Variants in EXOC6B observed in about 807,000 individuals in gnomAD.
EXOC6B encodes SEC15 homolog B.
Under a neutral mutation model 113.5 loss-of-function variants are expected in EXOC6B, and 54 were observed. The observed-to-expected ratio is 0.48, with a 90% CI of 0.38 to 0.60. EXOC6B has a LOEUF of 0.60. Among genes scored for constraint, EXOC6B ranks in the 20% least tolerant of loss-of-function variants. EXOC6B has a pLI of 0.00. For missense variants in EXOC6B, 797 were observed against 977.5 expected, an observed-to-expected ratio of 0.82 and a Z score of 2.46; for synonymous variants, 357 against 339.0, an observed-to-expected ratio of 1.05 and a Z score of -0.58.
intron 6 of EXOC6B, among the ~76,000 whole-genome samples, chr2:72,623,080 T>A (rs188040057): frequency 4.7e-4 from 72 of 152,290 alleles, no homozygotes; most frequent in Admixed American, 4.1e-3. Context: ...ATGGGTATGT[T>A]CACTTTGTGA....
Position 72,454,712 on chromosome 2 carries a change from CAA to C in EXOC6B, c.1980+10446_1980+10447del, listed in dbSNP as rs1697113587. ...ATAATTACAAGAGCAGAAGAAGACT[CAA>C]AGGTCATTATCATTAAAGAGGCAAA... On this transcript the variant is annotated intron_variant, in intron 18 of 21. Transcript: ENST00000272427. Among the ~76,000 whole-genome samples, 5 of 152,122 alleles carry C rather than the reference CAA, an allele frequency of 3.3e-5. No homozygotes were observed. In the South Asian group the frequency reaches 8.3e-4, roughly 25 times the overall value.
chr2:72,622,942 C>T (rs1168891561), intron 6 of EXOC6B, among the ~76,000 whole-genome samples: 3 of 152,094 alleles, frequency 2.0e-5, no homozygotes, highest in East Asian at 3.9e-4. Context: ...GTATCTACTA[C>T]AGCCGAACAT....
intron 8 of EXOC6B, among the ~76,000 whole-genome samples, chr2:72,558,536 C>G (rs1436756897): frequency 6.6e-6 from 1 of 152,008 alleles, no homozygotes; most frequent in Non-Finnish European, 1.5e-5. Flanking sequence ...TTTAGGAGAC[C>G]CAGACGGTGG....
At chr2:72,695,131 G>A (rs1558925344) in intron 6 of EXOC6B, among the ~76,000 whole-genome samples, 1 of 152,158 alleles carries the variant, frequency 6.6e-6, no homozygotes, top group Admixed American at 6.5e-5. Flanking sequence ...GGATGCTTTG[G>A]GGTTCAGCTC....
chr2:72,279,368 A>G (rs1012199789), intron 20 of EXOC6B, among the ~76,000 whole-genome samples: 5 of 152,164 alleles, frequency 3.3e-5, no homozygotes, highest in African/African-American at 7.2e-5. Context: ...CAGTCCTTAA[A>G]TTAGAATTTA....
chr2:72,528,170 T>C (rs1439095269), intron 8 of EXOC6B, among the ~76,000 whole-genome samples: 1 of 151,998 alleles, frequency 6.6e-6, no homozygotes, highest in Non-Finnish European at 1.5e-5. Flanking sequence ...TTCTAAATGG[T>C]TTGAAGTTTG....
intron 19 of EXOC6B, among the ~76,000 whole-genome samples, chr2:72,343,633 T>G (rs949223242): frequency 6.6e-6 from 1 of 152,140 alleles, no homozygotes; most frequent in African/African-American, 2.4e-5. Context: ...TAGCTTCTAT[T>G]TATCTGGTAG....
At chr2:72,632,115 A>AAAGCT (rs1356313578) in intron 6 of EXOC6B, among the ~76,000 whole-genome samples, 1 of 152,194 alleles carries the variant, frequency 6.6e-6, no homozygotes, top group Admixed American at 6.5e-5. Context: ...AAAAGAAAAA[A>AAAGCT]AAGCTAAGCA....
intron 6 of EXOC6B, among the ~76,000 whole-genome samples, chr2:72,637,433 A>G (rs756010083): frequency 6.6e-6 from 1 of 152,168 alleles, no homozygotes; most frequent in Non-Finnish European, 1.5e-5. Flanking sequence ...CAAATTTACA[A>G]GAAAAAAACA....
intron 18 of EXOC6B, among the ~76,000 whole-genome samples, chr2:72,391,743 A>G (rs1232154578): frequency 1.3e-5 from 2 of 152,140 alleles, no homozygotes; most frequent in East Asian, 3.9e-4. Context: ...TCTTAACATC[A>G]AAAATAAAAT....
intron 20 of EXOC6B, among the ~76,000 whole-genome samples, chr2:72,248,425 A>G (rs1682803509): frequency 6.6e-6 from 1 of 152,198 alleles, no homozygotes; most frequent in African/African-American, 2.4e-5. Context: ...GAGACACTTT[A>G]GCTTAAATTT....
intron 20 of EXOC6B, among the ~76,000 whole-genome samples, chr2:72,280,416 A>G (rs1261724355): frequency 6.6e-6 from 1 of 152,312 alleles, no homozygotes; most frequent in East Asian, 1.9e-4. Flanking sequence ...AATGACCTGT[A>G]TACCAATATG....
chr2:72,246,381 G>A (rs1027855412), intron 20 of EXOC6B, among the ~76,000 whole-genome samples: 1 of 152,166 alleles, frequency 6.6e-6, no homozygotes, highest in Admixed American at 6.5e-5. Context: ...TCCATGAGGG[G>A]AGGACCTATA....
intron 1 of EXOC6B, among the ~76,000 whole-genome samples, chr2:72,786,514 G>A (rs914267079): frequency 2.6e-5 from 4 of 152,160 alleles, no homozygotes; most frequent in Admixed American, 1.3e-4. Flanking sequence ...AAAATGCTAT[G>A]AGAACTAGGA....
chr2:72,627,867 A>G (rs1315566070), intron 6 of EXOC6B, among the ~76,000 whole-genome samples: 1 of 152,066 alleles, frequency 6.6e-6, no homozygotes, highest in Non-Finnish European at 1.5e-5. Context: ...AGCTGGAACT[A>G]TAAACATGCA....
chr2:72,213,571 G>C lies in EXOC6B; in HGVS notation c.2197-29384C>G, dbSNP rs542659875. Among the ~76,000 whole-genome samples, 4 of 152,290 alleles carry C rather than the reference G, an allele frequency of 2.6e-5. No individual in the cohort carries two copies. In the East Asian group the frequency reaches 7.7e-4, roughly 29 times the overall value. ...CCTTAGAATCTCTACAGTGACTCTTGTTAGAACTTCAGGATGGGACTTCCT... is the reference window on the plus strand; with the variant it reads ...CCTTAGAATCTCTACAGTGACTCTTCTTAGAACTTCAGGATGGGACTTCCT... On this transcript the variant is annotated intron_variant, in intron 20 of 21. Transcript: ENST00000272427.
chr2:72,741,402 C>A lies in EXOC6B; in HGVS notation c.181G>T (p.Asp61Tyr). 6.2e-7 allele frequency: 1 copy of A among 1,613,564 alleles called. No individual in the cohort carries two copies. Reference sequence around the variant, plus strand: ...TTGCACATTTTCTCAATTTCTCGGTCGTGATTACGGATACGAGTTTCAAGC... The same window carrying A: ...TTGCACATTTTCTCAATTTCTCGGTAGTGATTACGGATACGAGTTTCAAGC... ...EKLETRIRNHDREIEKMCNFH... is the reference protein window; with the variant it reads ...EKLETRIRNHYREIEKMCNFH... Residue 61 changes from aspartate (D) to tyrosine (Y), a missense_variant, in exon 2 of 22, where the codon GAC becomes TAC. Physicochemically the swap from Asp to Tyr is radical, Grantham distance 160. Coordinates refer to ENST00000272427, the MANE Select transcript of EXOC6B (RefSeq NM_015189.3).
intron 12 of EXOC6B, among the ~76,000 whole-genome samples, chr2:72,498,940 T>C (rs1700184219): frequency 6.6e-6 from 1 of 152,164 alleles, no homozygotes; most frequent in Non-Finnish European, 1.5e-5. Flanking sequence ...CTATTAGATA[T>C]AATATGTGGT....
At chr2:72,780,817 T>C (rs1435209536) in intron 1 of EXOC6B, among the ~76,000 whole-genome samples, 3 of 152,196 alleles carry the variant, frequency 2.0e-5, no homozygotes, top group African/African-American at 7.2e-5. Context: ...TACAATGGTA[T>C]TTCCTCCCCG....
Sources: allele counts gnomAD v4.1 joint callset (sites outside exome capture counted in the v4.1 genomes callset), GRCh38; gene constraint gnomAD v4.1.1; transcripts MANE v1.5; gene names NCBI Gene and HGNC (gene_info 2026-07-23, HGNC 2026-07-21).